ASCC3: variants seen among roughly 807,000 people sequenced by gnomAD.
ASCC3 encodes the protein ASC-1 complex subunit P200.
Under a neutral mutation model 256.3 loss-of-function variants are expected in ASCC3, and 158 were observed. That is an observed-to-expected ratio of 0.62 (90% CI 0.54 to 0.70). The LOEUF (loss-of-function observed/expected upper bound fraction) is 0.70. ASCC3 is among the 30% of genes least tolerant of loss of function. The pLI is 0.00. For missense variants in ASCC3, 2,259 were observed against 2,626.0 expected (o/e 0.86, Z 3.05); for synonymous variants, 948 against 883.4 (o/e 1.07, Z -1.30).
intron 24 of ASCC3, among the ~76,000 whole-genome samples, chr6:100,642,380 G>A (rs1775166861): frequency 6.6e-6 from 1 of 151,992 alleles, no homozygotes; most frequent in African/African-American, 2.4e-5. Flanking sequence ...TAAGTAAACT[G>A]GAATAAACGC....
intron 4 of ASCC3, among the ~76,000 whole-genome samples, chr6:100,824,210 T>C (rs1295059435): frequency 6.6e-6 from 1 of 152,204 alleles, no homozygotes; most frequent in East Asian, 1.9e-4. Context: ...CTTGCTATGT[T>C]ATTGTGCTAT....
intron 34 of ASCC3, among the ~76,000 whole-genome samples, chr6:100,594,723 G>A (rs923203204): frequency 1.3e-5 from 2 of 152,152 alleles, no homozygotes; most frequent in East Asian, 1.9e-4. Flanking sequence ...TTGAAGAGAC[G>A]TCTGCACTCC....
At chr6:100,593,706 A>AT (rs148955220) in intron 34 of ASCC3, among the ~76,000 whole-genome samples, 4,828 of 151,864 alleles carry the variant, frequency 0.032, 93 homozygotes, top group African/African-American at 0.06. Flanking sequence ...TTACAGCACC[A>AT]TTTTTTTTAT....
intron 11 of ASCC3, among the ~76,000 whole-genome samples, chr6:100,723,416 TA>T (rs1275626571): frequency 2.6e-5 from 4 of 151,488 alleles, no homozygotes; most frequent in African/African-American, 2.4e-5. Context: ...ATTATTTTTT[TA>T]AAAAAAACTC....
At chr6:100,530,901 C>A in intron 37 of ASCC3, 1 of 1,284,608 alleles carries the variant, frequency 7.8e-7, no homozygotes, top group Non-Finnish European at 1.1e-6. Context: ...CAATCAATAC[C>A]AAAAGACACT....
intron 30 of ASCC3, among the ~76,000 whole-genome samples, chr6:100,613,580 C>A (rs1273690152): frequency 6.6e-6 from 1 of 151,998 alleles, no homozygotes; most frequent in Non-Finnish European, 1.5e-5. Flanking sequence ...CAATCATTTA[C>A]TGATGGATAC....
At chr6:100,670,722 AG>A (rs1037092938) in intron 14 of ASCC3, among the ~76,000 whole-genome samples, 2 of 152,080 alleles carry the variant, frequency 1.3e-5, no homozygotes, top group African/African-American at 4.8e-5. Flanking sequence ...CAACTGCTGG[AG>A]GAAGTATAAA....
chr6:100,524,397 T>C (rs1774459019), intron 37 of ASCC3, among the ~76,000 whole-genome samples: 1 of 152,180 alleles, frequency 6.6e-6, no homozygotes, highest in South Asian at 2.1e-4. Context: ...CATCTTGACA[T>C]TTGATCTTCA....
intron 5 of ASCC3, among the ~76,000 whole-genome samples, chr6:100,801,521 T>C (rs946582992): frequency 1.3e-5 from 2 of 152,066 alleles, no homozygotes; most frequent in Non-Finnish European, 2.9e-5. Context: ...TCTCAGACAG[T>C]TGTTACTGCC....
intron 10 of ASCC3, among the ~76,000 whole-genome samples, chr6:100,732,345 G>C (rs1779943419): frequency 6.6e-6 from 1 of 152,030 alleles, no homozygotes; most frequent in Non-Finnish European, 1.5e-5. Flanking sequence ...ATTTATTCAA[G>C]AATAAGTAGT....
chr6:100,629,329 T>C lies in ASCC3; in HGVS notation c.4209-148A>G. The stretch of plus-strand genomic sequence containing the variant: ...GATTTTTGAAATTTTCCAAGTTGAG[T>C]CCAAAATGTACATTTCTTAAGAACT... On this transcript the variant is annotated intron_variant, in intron 26 of 41. Coordinates refer to ENST00000369162, the MANE Select transcript of ASCC3 (RefSeq NM_006828.4). The C allele has an allele frequency of 9.7e-6, 7 of 719,134 alleles. No individual in the cohort carries two copies. The South Asian group carries it at 1.0e-4, about 10-fold the overall frequency. The allele number at this position is 719,134 out of a possible 1,614,324, so 44.5% of individuals were successfully genotyped here. A position where few individuals can be genotyped will look rare whatever the true frequency, so the allele number is the denominator to read the frequency against.
At chr6:100,784,502 C>T (rs1782599780) in intron 8 of ASCC3, among the ~76,000 whole-genome samples, 1 of 151,868 alleles carries the variant, frequency 6.6e-6, no homozygotes, top group Admixed American at 6.6e-5. Flanking sequence ...TGAATATCTA[C>T]AAATAGGGTA....
chr6:100,608,519 TTTATATATATATAC>T lies in ASCC3; in HGVS notation c.4786-1445_4786-1432del, dbSNP rs1773151740. The stretch of plus-strand genomic sequence containing the variant: ...ATATATATATACTTTATATATATAC[TTTATATATATATAC>T]TTTATATATATACTTTATATATATA... On this transcript the variant is annotated intron_variant, in intron 30 of 41. Transcript: ENST00000369162. 3.7e-4 allele frequency among the ~76,000 whole-genome samples: 2 copies of T among 5,382 alleles called. 1 individual carries two copies. Among genetic ancestry groups the T allele is most frequent in the Admixed American group, 0.016 (2 of 126 alleles). The allele number at this position is 5,382 out of a possible 152,430, so 3.5% of individuals were successfully genotyped here.
intron 36 of ASCC3, among the ~76,000 whole-genome samples, chr6:100,540,639 C>T (rs1582414804): frequency 6.6e-6 from 1 of 152,084 alleles, no homozygotes; most frequent in Non-Finnish European, 1.5e-5. Flanking sequence ...ATTTACTAGG[C>T]ATCACACACT....
intron 30 of ASCC3, among the ~76,000 whole-genome samples, chr6:100,608,089 T>TATATA (rs1562160968): frequency 9.8e-6 from 1 of 102,478 alleles, no homozygotes; most frequent in Non-Finnish European, 1.8e-5. Context: ...TGTATATATA[T>TATATA]CTATATACAC....
intron 1 of ASCC3, among the ~76,000 whole-genome samples, chr6:100,878,538 C>T (rs1033343967): frequency 6.6e-6 from 1 of 152,158 alleles, no homozygotes; most frequent in South Asian, 2.1e-4. Context: ...TCCAGAATAT[C>T]CCACAAAGAT....
intron 2 of ASCC3, among the ~76,000 whole-genome samples, chr6:100,864,738 C>T (rs1361045916): frequency 2.0e-5 from 3 of 152,130 alleles, no homozygotes; most frequent in Non-Finnish European, 4.4e-5. Flanking sequence ...TTGGAAGATT[C>T]TTTTCTATAC....
At chr6:100,584,751 C>G (rs998735344) in intron 36 of ASCC3, among the ~76,000 whole-genome samples, 1 of 151,962 alleles carries the variant, frequency 6.6e-6, no homozygotes, top group African/African-American at 2.4e-5. Context: ...TTAGTGCTTC[C>G]TTCAGGAGCT....
At position 100,509,219 on chromosome 6, in the gene ASCC3, T is replaced by C; in HGVS notation, c.*167A>G. 1 of 842,104 alleles carries C rather than the reference T, an allele frequency of 1.2e-6. No individual in the cohort carries two copies. 52.2% of individuals were successfully genotyped at this position (842,104 alleles called of 1,614,324 possible). ...AACATTTGTTAAAAGGCCACTGTGGTTAACTTTATGTCACTGGAGTCAATA... is the reference window on the plus strand; with the variant it reads ...AACATTTGTTAAAAGGCCACTGTGGCTAACTTTATGTCACTGGAGTCAATA... On this transcript the variant is annotated 3_prime_UTR_variant, in exon 42 of 42. Coordinates refer to ENST00000369162, the MANE Select transcript of ASCC3 (RefSeq NM_006828.4).
Sources: allele counts gnomAD v4.1 joint callset (sites outside exome capture counted in the v4.1 genomes callset), GRCh38; gene constraint gnomAD v4.1.1; transcripts MANE v1.5; gene names NCBI Gene and HGNC (gene_info 2026-07-23, HGNC 2026-07-21).